ATF2: variants seen among roughly 807,000 people sequenced by gnomAD.
The protein encoded by ATF2 is activating transcription factor 2, also known as cyclic AMP-dependent transcription factor ATF-2.
Under a neutral mutation model 60.6 loss-of-function variants are expected in ATF2, and 24 were observed. That is an observed-to-expected ratio of 0.40 (90% CI 0.29 to 0.56). The LOEUF (loss-of-function observed/expected upper bound fraction) is 0.56, where lower values mean the gene tolerates loss of function less well. Ranked by LOEUF, ATF2 falls within the 20% of genes least tolerant of loss-of-function variation. The pLI, the probability that ATF2 is intolerant of heterozygous loss-of-function variation, is 0.54. For missense variants in ATF2, 433 were observed against 607.7 expected, an observed-to-expected ratio of 0.71 and a Z score of 3.02; for synonymous variants, 206 against 215.4, an observed-to-expected ratio of 0.96 and a Z score of 0.38.
chr2:175,079,233 T>G (rs528883449), intron 13 of ATF2, among the ~76,000 whole-genome samples: 41 of 152,306 alleles, frequency 2.7e-4, no homozygotes, highest in African/African-American at 9.1e-4. Flanking sequence ...ATCAAAGATT[T>G]AAAAATTACA....
chr2:175,164,982 CAGT>C (rs1284733847), intron 1 of ATF2, among the ~76,000 whole-genome samples: 1 of 152,036 alleles, frequency 6.6e-6, no homozygotes, highest in Non-Finnish European at 1.5e-5. Flanking sequence ...TCAGCCTCCC[CAGT>C]AGCTGGGATT....
chr2:175,143,845 T>G (rs1434669144), intron 2 of ATF2, among the ~76,000 whole-genome samples: 1 of 152,002 alleles, frequency 6.6e-6, no homozygotes, highest in Non-Finnish European at 1.5e-5. Flanking sequence ...CAGGCTGGAG[T>G]GCAGTGGCAT....
At chr2:175,130,073 A>G in intron 4 of ATF2, 65 bp downstream of exon 4, 1 of 1,181,914 alleles carries the variant, frequency 8.5e-7, no homozygotes, top group African/African-American at 1.6e-5. Context: ...GTGATAACAT[A>G]TTATATCATC....
At chr2:175,113,944 C>G in intron 9 of ATF2, 50 bp downstream of exon 9, 1 of 1,472,912 alleles carries the variant, frequency 6.8e-7, no homozygotes, top group South Asian at 1.2e-5. Flanking sequence ...TATTTTCTGA[C>G]TACAAAGATC....
intron 12 of ATF2, among the ~76,000 whole-genome samples, chr2:175,082,760 T>C (rs942627165): frequency 2.0e-5 from 3 of 152,206 alleles, no homozygotes; most frequent in African/African-American, 7.2e-5. Context: ...AGTATTTGTC[T>C]TGACTTACAA....
rs61236219 is a variant in ATF2 at position 175,160,516 on chromosome 2, C to T, written c.-143+7534G>A. On this transcript the variant is annotated intron_variant, in intron 1 of 13. Coordinates refer to ENST00000264110, the MANE Select transcript of ATF2 (RefSeq NM_001880.4). ...GTGTATTACTACAAAAAATATCCCT[C>T]GACCCAACATCCATATATCAACAAT... Among the ~76,000 whole-genome samples, 582 of 152,260 alleles carry T rather than the reference C, an allele frequency of 3.8e-3. 3 individuals carry two copies. The highest frequency in any genetic ancestry group is 0.012 in the African/African-American group (504 of 41,544).
At chr2:175,161,761 CTCT>C (rs931490737) in intron 1 of ATF2, among the ~76,000 whole-genome samples, 4 of 83,304 alleles carry the variant, frequency 4.8e-5, no homozygotes, top group Non-Finnish European at 6.8e-5. Context: ...CAGAAAGTAA[CTCT>C]TTTTTTTTTT....
chr2:175,144,687 G>T (rs1253825550), intron 2 of ATF2, among the ~76,000 whole-genome samples: 1 of 152,188 alleles, frequency 6.6e-6, no homozygotes, highest in Non-Finnish European at 1.5e-5. Context: ...TGAGTTGAGG[G>T]TTGGGCTGGG....
intron 10 of ATF2, among the ~76,000 whole-genome samples, chr2:175,103,960 C>T (rs1235845057): frequency 6.6e-6 from 1 of 151,678 alleles, no homozygotes; most frequent in African/African-American, 2.4e-5. Flanking sequence ...TTTCATTTTT[C>T]GGTCCCTATC....
In ATF2 at chr2:175,074,656, G is replaced by A. The variant is rs753144395; in HGVS notation, c.1471C>T (p.Gln491Ter). ...ADQSTEPALS[Q>*]IVMAPSSQSQ... is the part of the protein sequence containing the mutation. ...TGGGAGGAAGGAGCCATAACGATCT[G>A]TGAAAGAGCAGGCTCTGTACTCTGG... Residue 491 changes from glutamine (Q) to a stop codon, truncating the protein, a stop_gained, in exon 14 of 14, where the codon CAG becomes TAG. Transcript: ENST00000264110. LOFTEE classifies it high-confidence loss of function. 23 of 1,613,180 alleles carry A rather than the reference G, an allele frequency of 1.4e-5. No individual in the cohort carries two copies. Among genetic ancestry groups the A allele is most frequent in the Non-Finnish European group, 1.9e-5 (23 of 1,179,618 alleles).
At chr2:175,120,162 CAG>C (rs1696854835) in intron 5 of ATF2, among the ~76,000 whole-genome samples, 5 of 151,616 alleles carry the variant, frequency 3.3e-5, no homozygotes, top group African/African-American at 7.3e-5. Context: ...TACACACAGA[CAG>C]AGATTGTGCT....
chr2:175,154,251 A>ATATATATT (rs879448060), intron 1 of ATF2, among the ~76,000 whole-genome samples: 1 of 148,892 alleles, frequency 6.7e-6, no homozygotes, highest in African/African-American at 2.5e-5. Flanking sequence ...ATATATATAT[A>ATATATATT]TTTTTTACTT....
chr2:175,146,286 G>A (rs967696432), intron 2 of ATF2, among the ~76,000 whole-genome samples: 19 of 152,088 alleles, frequency 1.2e-4, no homozygotes, highest in East Asian at 5.8e-4. Flanking sequence ...AGACCAATGC[G>A]ACATAACAAA....
Position 175,074,625 on chromosome 2 carries a change from T to C in ATF2, c.1502A>G (p.Gln501Arg). 6.2e-7 allele frequency: 1 copy of C among 1,612,482 alleles called. No individual in the cohort carries two copies. Among genetic ancestry groups the C allele is most frequent in the Non-Finnish European group, 8.5e-7 (1 of 1,179,286 alleles). ...QIVMAPSSQS[Q>R]PSGS The stretch of plus-strand genomic sequence containing the variant: ...GGTTTTTAATCAACTTCCTGAGGGC[T>C]GTGACTGGGAGGAAGGAGCCATAAC... Residue 501 changes from glutamine to arginine, a missense_variant, in exon 14 of 14, where the codon CAG becomes CGG. This residue lies in a region of ATF2 where 114 missense variants were observed against 104.0 expected (regional missense o/e 1.10). Transcript: ENST00000264110.
At chr2:175,129,465 A>G (rs1370159129) in intron 4 of ATF2, among the ~76,000 whole-genome samples, 7 of 152,112 alleles carry the variant, frequency 4.6e-5, no homozygotes, top group Admixed American at 2.6e-4. Flanking sequence ...TTATATTTCA[A>G]TTTAAAATAT....
Position 175,121,450 on chromosome 2 carries a change from C to T in ATF2, c.193G>A (p.Val65Met). 6.3e-7 allele frequency: 1 copy of T among 1,592,870 alleles called. No homozygotes were observed. The highest frequency in any genetic ancestry group is 1.7e-5 in the Admixed American group (1 of 57,598). ...AATAAAAGCATATACTAACCAGCCA[C>T]AATGACACTGTCATTACGTGCTGGA... ...FGPARNDSVI[V>M]ADQTPTPTRF... is the part of the protein sequence containing the mutation. The change falls in exon 5 of 14, where the codon GTG (valine) becomes ATG (methionine). Residue 65 changes from valine (V) to methionine (M), a missense_variant. By Grantham distance (21) the Val-to-Met change is conservative (BLOSUM62 1). Transcript: ENST00000264110.
At chr2:175,140,813 T>A (rs1698453636) in intron 2 of ATF2, among the ~76,000 whole-genome samples, 1 of 140,886 alleles carries the variant, frequency 7.1e-6, no homozygotes, top group East Asian at 2.1e-4. Context: ...TAAGGTTCTG[T>A]CTCTATACAA....
chr2:175,143,827 CT>C (rs745581989), intron 2 of ATF2, among the ~76,000 whole-genome samples: 4 of 152,098 alleles, frequency 2.6e-5, no homozygotes, highest in African/African-American at 7.2e-5. Flanking sequence ...AGGTCTTGCT[CT>C]GTCACCCAGG....
intron 7 of ATF2, among the ~76,000 whole-genome samples, chr2:175,117,390 G>C (rs532909839): frequency 6.6e-6 from 1 of 151,940 alleles, no homozygotes; most frequent in Non-Finnish European, 1.5e-5. Context: ...CTCTTTATGT[G>C]TCCCATTGCC....
Sources: allele counts gnomAD v4.1 joint callset (sites outside exome capture counted in the v4.1 genomes callset), GRCh38; gene constraint gnomAD v4.1.1; regional missense constraint gnomAD v4.1.1; transcripts MANE v1.5; gene names NCBI Gene and HGNC (gene_info 2026-07-23, HGNC 2026-07-21).